DCC: variants seen among roughly 807,000 people sequenced by gnomAD.
The protein encoded by DCC is netrin receptor DCC.
DCC carries 58 observed loss-of-function variants against 172.5 expected under a neutral mutation model. That is an observed-to-expected ratio of 0.34 (90% CI 0.27 to 0.42). The LOEUF (loss-of-function observed/expected upper bound fraction) is 0.42. Among genes scored for constraint, DCC ranks in the 10% least tolerant of loss-of-function variants. The pLI, the probability that DCC is intolerant of heterozygous loss-of-function variation, is 1.00. For missense variants in DCC, 1,740 were observed against 1,791.0 expected (o/e 0.97, Z 0.51); for synonymous variants, 709 against 644.5 (o/e 1.10, Z -1.52).
intron 1 of DCC, among the ~76,000 whole-genome samples, chr18:52,613,521 C>G (rs2034316092): frequency 6.6e-6 from 1 of 152,172 alleles, no homozygotes; most frequent in African/African-American, 2.4e-5. Context: ...TCCCAAAGTG[C>G]TGGGATTACA....
chr18:52,798,737 A>G (rs887409662), intron 2 of DCC, among the ~76,000 whole-genome samples: 1 of 142,718 alleles, frequency 7.0e-6, no homozygotes, highest in African/African-American at 2.6e-5. Context: ...GCCCCAAACC[A>G]TTCGTATGAA....
chr18:53,257,287 T>C (rs1224848781), intron 12 of DCC, among the ~76,000 whole-genome samples: 3 of 152,208 alleles, frequency 2.0e-5, no homozygotes, highest in Non-Finnish European at 4.4e-5. Flanking sequence ...CCGTGTCTTG[T>C]GCCAGTTTTC....
At chr18:52,780,028 T>A (rs1395790190) in intron 2 of DCC, among the ~76,000 whole-genome samples, 1 of 151,380 alleles carries the variant, frequency 6.6e-6, no homozygotes, top group Non-Finnish European at 1.5e-5. Flanking sequence ...GGATTTCCAA[T>A]CTATGGATAT....
At chr18:52,845,286 G>C (rs745592659) in intron 2 of DCC, among the ~76,000 whole-genome samples, 47 of 152,164 alleles carry the variant, frequency 3.1e-4, no homozygotes, top group Non-Finnish European at 5.9e-5. Context: ...ACTCCTCCCT[G>C]AGACCCCTGT....
chr18:52,766,319 C>G (rs1452653676), intron 2 of DCC, among the ~76,000 whole-genome samples: 1 of 152,212 alleles, frequency 6.6e-6, no homozygotes, highest in Non-Finnish European at 1.5e-5. Context: ...GTGCTTTCAG[C>G]TCTGCCATCT....
intron 5 of DCC, among the ~76,000 whole-genome samples, chr18:53,016,744 T>C (rs2041812208): frequency 6.6e-6 from 1 of 152,190 alleles, no homozygotes; most frequent in East Asian, 1.9e-4. Flanking sequence ...TGCATATGTG[T>C]CAAGTTATAG....
chr18:53,400,825 T>C (rs1357201067), intron 18 of DCC, among the ~76,000 whole-genome samples: 1 of 152,180 alleles, frequency 6.6e-6, no homozygotes, highest in East Asian at 1.9e-4. Context: ...TTTATCCTTT[T>C]TGAATGCGTA....
intron 2 of DCC, among the ~76,000 whole-genome samples, chr18:52,849,214 G>GC (rs1263518837): frequency 1.3e-5 from 2 of 152,132 alleles, no homozygotes; most frequent in Non-Finnish European, 2.9e-5. Context: ...GTACTGTCCA[G>GC]CAGGAACCTT....
chr18:52,465,280 G>A (rs1988753057), intron 1 of DCC, among the ~76,000 whole-genome samples: 1 of 152,122 alleles, frequency 6.6e-6, no homozygotes, highest in Admixed American at 6.6e-5. Context: ...CCAAAAGTTG[G>A]CGATGAGGTG....
intron 2 of DCC, among the ~76,000 whole-genome samples, chr18:52,826,277 C>T (rs766178601): frequency 4.6e-5 from 7 of 152,156 alleles, no homozygotes; most frequent in Non-Finnish European, 8.8e-5. Flanking sequence ...ATTTGGAAGA[C>T]ATTTCAGGAA....
At chr18:52,536,135 C>G (rs555204526) in intron 1 of DCC, among the ~76,000 whole-genome samples, 1 of 151,920 alleles carries the variant, frequency 6.6e-6, no homozygotes, top group Non-Finnish European at 1.5e-5. Flanking sequence ...AGGAAGGGAA[C>G]GGGGCTACTT....
intron 1 of DCC, among the ~76,000 whole-genome samples, chr18:52,402,241 A>G (rs1226492897): frequency 6.6e-6 from 1 of 152,020 alleles, no homozygotes; most frequent in Non-Finnish European, 1.5e-5. Context: ...GTATAGTGTG[A>G]TAACTCACTC....
At chr18:53,478,665 T>C (rs897607757) in intron 25 of DCC, among the ~76,000 whole-genome samples, 2 of 152,326 alleles carry the variant, frequency 1.3e-5, no homozygotes, top group East Asian at 1.9e-4. Context: ...GCCATGGTAA[T>C]GGCTACTGGT....
chr18:53,239,311 A>G (rs1443473910), intron 12 of DCC, among the ~76,000 whole-genome samples: 2 of 151,800 alleles, frequency 1.3e-5, no homozygotes, highest in Non-Finnish European at 2.9e-5. Context: ...CCTAAAGAAT[A>G]GAAAAGATGA....
chr18:52,896,640 T>C (rs2039735133), intron 2 of DCC, among the ~76,000 whole-genome samples: 1 of 152,202 alleles, frequency 6.6e-6, no homozygotes, highest in African/African-American at 2.4e-5. Context: ...TATTATAATA[T>C]AGCTTGACTG....
intron 1 of DCC, among the ~76,000 whole-genome samples, chr18:52,723,138 C>T (rs891871114): frequency 7.9e-5 from 12 of 152,212 alleles, no homozygotes; most frequent in East Asian, 5.8e-4. Flanking sequence ...TCTCACTCTC[C>T]GGAAATTCAT....
chr18:53,155,956 T>C (rs915484814), intron 7 of DCC, among the ~76,000 whole-genome samples: 2 of 152,030 alleles, frequency 1.3e-5, no homozygotes, highest in African/African-American at 4.8e-5. Flanking sequence ...ATCAGAACAG[T>C]GTAAACATGT....
chr18:52,990,615 A>G (rs1234284564), intron 5 of DCC, among the ~76,000 whole-genome samples: 1 of 150,988 alleles, frequency 6.6e-6, no homozygotes, highest in East Asian at 1.9e-4. Context: ...AAGAGATTGT[A>G]TAAATAAATT....
At position 53,416,156 on chromosome 18, in the gene DCC, G is replaced by A; in HGVS notation, c.3163G>A (p.Gly1055Ser). 6.2e-7 allele frequency: 1 copy of A among 1,605,628 alleles called. No individual in the cohort carries two copies. Among genetic ancestry groups the A allele is most frequent in the Non-Finnish European group, 8.5e-7 (1 of 1,172,430 alleles). Residue 1055 changes from glycine to serine, a missense_variant and splice_region_variant, in exon 21 of 29, where the codon GGT becomes AGT. Around this residue, in one of 2 missense-constraint regions of DCC, gnomAD observed 1,732 missense variants for 1,767.4 expected, o/e 0.98. Transcript: ENST00000442544. ...CCCTGACAAAATGGCTAATGACCAA[G>A]GTATGGTGGCTCAATCTGTCATTTT... ...EHPDKMANDQ[G>S]RHGDGGYWPV...
Sources: allele counts gnomAD v4.1 joint callset (sites outside exome capture counted in the v4.1 genomes callset), GRCh38; gene constraint gnomAD v4.1.1; regional missense constraint gnomAD v4.1.1; transcripts MANE v1.5; gene names NCBI Gene and HGNC (gene_info 2026-07-23, HGNC 2026-07-21).